Variants in SNTG1 observed in about 807,000 individuals in gnomAD.
The protein encoded by SNTG1 is syntrophin gamma 1.
A neutral mutation model predicts 74.7 loss-of-function variants in SNTG1; 39 were observed. That is an observed-to-expected ratio of 0.52 (90% CI 0.40 to 0.68). SNTG1 has a LOEUF of 0.68. Ranked by LOEUF, SNTG1 falls within the 30% of genes least tolerant of loss-of-function variation. The probability of loss-of-function intolerance (pLI) is 0.00; values close to 1 mark genes in which losing one functional copy is unlikely to be tolerated. For synonymous variants in SNTG1, 254 were observed against 217.1 expected, an observed-to-expected ratio of 1.17 and a Z score of -1.49; for missense variants, 685 against 609.5, an observed-to-expected ratio of 1.12 and a Z score of -1.30.
intron 15 of SNTG1, among the ~76,000 whole-genome samples, chr8:50,678,668 C>CT (rs2095319038): frequency 6.6e-6 from 1 of 152,058 alleles, no homozygotes; most frequent in African/African-American, 2.4e-5. Context: ...TTCAGCCAAA[C>CT]TTTATCTGAA....
rs183654219 is a variant in SNTG1, at chr8:50,557,179, G to C, written c.810+4000G>C. Among the ~76,000 whole-genome samples the C allele has an allele frequency of 5.1e-3, 766 of 151,456 alleles. 6 individuals carry two copies. Among genetic ancestry groups the C allele is most frequent in the African/African-American group, 0.017 (716 of 41,156 alleles). The stretch of plus-strand genomic sequence containing the variant: ...GCTGATCCCTCCTACAGTATCAGGC[G>C]GGTGGTGGCAGGGGTAGAGGTTGGA... On this transcript the variant is annotated intron_variant, in intron 12 of 18. Transcript: ENST00000642720.
chr8:50,594,040 G>A (rs944302043), intron 13 of SNTG1, among the ~76,000 whole-genome samples: 3 of 152,128 alleles, frequency 2.0e-5, no homozygotes, highest in African/African-American at 7.2e-5. Flanking sequence ...TTTTTACAGT[G>A]AACACACTGA....
chr8:49,944,890 C>G (rs554615583), intron 1 of SNTG1, among the ~76,000 whole-genome samples: 1 of 152,030 alleles, frequency 6.6e-6, no homozygotes, highest in East Asian at 1.9e-4. Context: ...CGGGCTCAAG[C>G]GATTCTCTTG....
chr8:50,233,574 A>G (rs1252020505), intron 2 of SNTG1, among the ~76,000 whole-genome samples: 1 of 151,890 alleles, frequency 6.6e-6, no homozygotes, highest in Admixed American at 6.6e-5. Flanking sequence ...TCAAAAATCA[A>G]TTAAACACTA....
chr8:50,276,407 A>G (rs1563832864), intron 2 of SNTG1, among the ~76,000 whole-genome samples: 1 of 143,234 alleles, frequency 7.0e-6, no homozygotes. Flanking sequence ...ATATATATAT[A>G]TAAATCATAT....
At chr8:50,130,237 T>C (rs973698441) in intron 1 of SNTG1, among the ~76,000 whole-genome samples, 2 of 151,956 alleles carry the variant, frequency 1.3e-5, no homozygotes, top group Non-Finnish European at 2.9e-5. Context: ...GAAACCAAGA[T>C]AAGTTAAGGG....
chr8:50,554,536 G>T (rs932417829), intron 12 of SNTG1, among the ~76,000 whole-genome samples: 3 of 150,908 alleles, frequency 2.0e-5, no homozygotes, highest in Non-Finnish European at 2.9e-5. Context: ...CCTTACCCAG[G>T]CTCATCCCTC....
At chr8:50,514,804 A>G (rs1289806264) in intron 9 of SNTG1, among the ~76,000 whole-genome samples, 1 of 152,102 alleles carries the variant, frequency 6.6e-6, no homozygotes, top group Non-Finnish European at 1.5e-5. Flanking sequence ...TGGTTCTATA[A>G]ATTAGTAGCA....
intron 2 of SNTG1, among the ~76,000 whole-genome samples, chr8:50,289,520 T>C (rs1450134): frequency 6.6e-6 from 1 of 152,260 alleles, no homozygotes; most frequent in East Asian, 1.9e-4. Flanking sequence ...GCACACATCA[T>C]TGTATCACTA....
chr8:50,568,209 G>A (rs1169467771), intron 12 of SNTG1, among the ~76,000 whole-genome samples: 1 of 141,040 alleles, frequency 7.1e-6, no homozygotes, highest in African/African-American at 2.7e-5. Flanking sequence ...TGGCTGAATA[G>A]TATTCCATTG....
chr8:49,937,761 G>A (rs1178830710), intron 1 of SNTG1, among the ~76,000 whole-genome samples: 1 of 152,182 alleles, frequency 6.6e-6, no homozygotes, highest in East Asian at 1.9e-4. Context: ...CAAATGCAAT[G>A]TGTAGCTTTT....
At chr8:50,205,147 T>C (rs1174280213) in intron 2 of SNTG1, among the ~76,000 whole-genome samples, 1 of 152,196 alleles carries the variant, frequency 6.6e-6, no homozygotes. Context: ...ATCACCACAC[T>C]GTCTTCCACA....
At chr8:50,509,236 T>C (rs1446668777) in intron 9 of SNTG1, among the ~76,000 whole-genome samples, 2 of 152,180 alleles carry the variant, frequency 1.3e-5, no homozygotes, top group Non-Finnish European at 2.9e-5. Context: ...GTTGTAGATA[T>C]GCAGCATTAT....
At chr8:50,117,298 A>G (rs1452043726) in intron 1 of SNTG1, among the ~76,000 whole-genome samples, 1 of 152,080 alleles carries the variant, frequency 6.6e-6, no homozygotes, top group East Asian at 1.9e-4. Context: ...GTAATTTACT[A>G]TAATTTTAGA....
chr8:50,647,956 T>C (rs1157202501), intron 13 of SNTG1, among the ~76,000 whole-genome samples: 2 of 152,134 alleles, frequency 1.3e-5, no homozygotes, highest in Non-Finnish European at 2.9e-5. Flanking sequence ...GTGATACTCA[T>C]AGGAAGAATG....
At chr8:50,312,551 T>A (rs10105856) in intron 2 of SNTG1, among the ~76,000 whole-genome samples, 9,149 of 149,838 alleles carry the variant, frequency 0.061, 532 homozygotes, top group Middle Eastern at 0.12. Context: ...GGAAAGAGAT[T>A]GTGGAAAAAG....
At chr8:50,488,555 T>G (rs2093820035) in intron 8 of SNTG1, among the ~76,000 whole-genome samples, 3 of 152,194 alleles carry the variant, frequency 2.0e-5, no homozygotes, top group South Asian at 2.1e-4. Context: ...TCCTTGCCTA[T>G]GAGCACCTCT....
intron 13 of SNTG1, among the ~76,000 whole-genome samples, chr8:50,651,553 G>T (rs913812411): frequency 2.0e-5 from 3 of 151,844 alleles, no homozygotes; most frequent in Non-Finnish European, 2.9e-5. Context: ...CACCGCCCAG[G>T]TTCAAGCGAT....
At chr8:50,091,493 AT>A (rs1009619818) in intron 1 of SNTG1, among the ~76,000 whole-genome samples, 1 of 152,026 alleles carries the variant, frequency 6.6e-6, no homozygotes, top group Non-Finnish European at 1.5e-5. Flanking sequence ...CTCTGTTTTT[AT>A]GTCATTAACT....
Sources: gnomAD v4.1 joint callset for allele counts (sites outside exome capture counted in the v4.1 genomes callset) on GRCh38, gnomAD v4.1.1 for gene constraint, MANE v1.5 for transcripts, NCBI Gene and HGNC (gene_info 2026-07-23, HGNC 2026-07-21) for gene names.